Variants in OVCH2 observed in about 807,000 individuals in gnomAD.
OVCH2 encodes ovochymase 2.
A neutral mutation model predicts 73.7 loss-of-function variants in OVCH2; 88 were observed. The ratio of observed to expected loss-of-function variants is 1.19; its 90% CI spans 1.01 to 1.43. The LOEUF is 1.43. Ranked by LOEUF, OVCH2 falls within the 40% of genes most tolerant of loss-of-function variation. OVCH2 has a pLI of 0.00. For synonymous variants in OVCH2, 265 were observed against 234.5 expected, an observed-to-expected ratio of 1.13 and a Z score of -1.19; for missense variants, 706 against 674.5, an observed-to-expected ratio of 1.05 and a Z score of -0.52.
chr11:7,692,538 C>G (rs1232885126), intron 12 of OVCH2, among the ~76,000 whole-genome samples: 1 of 152,154 alleles, frequency 6.6e-6, no homozygotes, highest in African/African-American at 2.4e-5. Flanking sequence ...CTGCAAAATT[C>G]TGAGAAGGCA....
intron 12 of OVCH2, among the ~76,000 whole-genome samples, chr11:7,694,611 TG>T (rs928197860): frequency 4.4e-5 from 1 of 22,588 alleles, no homozygotes; most frequent in African/African-American, 1.4e-4. Context: ...ACAAAGTTTT[TG>T]TTTTGTTTTG....
At position 7,701,683 on chromosome 11, in the gene OVCH2, T is replaced by C. The variant is rs760902514; in HGVS notation, c.559+33A>G. ...GATTGCCCACCAGAAAGTTCTGACC[T>C]CTGCTTAAGAGGAATGGCACACAAG... On this transcript the variant is annotated intron_variant, in intron 5 of 15. Transcript: ENST00000533663. 5 of 1,589,536 alleles carry C rather than the reference T, an allele frequency of 3.1e-6. No individual in the cohort carries two copies. The East Asian group carries it at 1.1e-4, about 36-fold the overall frequency.
the OVCH2 span, among the ~76,000 whole-genome samples, chr11:7,678,952 A>AT: frequency 4.1e-4 from 62 of 152,242 alleles, no homozygotes; most frequent in Admixed American, 2.0e-3. Flanking sequence ...AAAGGCAAAC[A>AT]TTTTTTTTAA....
chr11:7,691,500 T>A, intron 13 of OVCH2, 100 bp from the exon 14 acceptor site: 1 of 1,405,356 alleles, frequency 7.1e-7, no homozygotes, highest in Non-Finnish European at 9.5e-7. Context: ...CAGGTAATTG[T>A]TGAGAAATAC....
At chr11:7,706,105 GT>G in intron 1 of OVCH2, 1 of 515,730 alleles carries the variant, frequency 1.9e-6, no homozygotes, top group Non-Finnish European at 3.4e-6. Flanking sequence ...GGATACATTA[GT>G]TGCATTCTAT....
intron 12 of OVCH2, 118 bp downstream of exon 12, chr11:7,694,940 T>A (rs1856298655): frequency 1.6e-6 from 2 of 1,221,300 alleles, no homozygotes; most frequent in Non-Finnish European, 2.3e-6. Context: ...AGGTGCTGGG[T>A]TCTAGGTACT....
downstream of OVCH2, among the ~76,000 whole-genome samples, chr11:7,684,912 C>CT (rs1231547434): frequency 6.6e-6 from 1 of 152,138 alleles, no homozygotes; most frequent in Non-Finnish European, 1.5e-5. Context: ...GTGTCTGTCT[C>CT]TTGCATTTGT....
In OVCH2 at chr11:7,698,748, A is replaced by G. The variant is rs1565169354; in HGVS notation, c.925+2T>C. The G allele has an allele frequency of 6.2e-7, 1 of 1,612,420 alleles. No individual in the cohort carries two copies. Among genetic ancestry groups the G allele is most frequent in the Admixed American group, 1.7e-5 (1 of 59,886 alleles). ...ATGGAGCAGCCTGCAAGGGATACCC[A>G]CCTCTGGAGCTCTTTCTCCGATTAC... On this transcript the variant is annotated splice_donor_variant, in intron 8 of 15. Coordinates refer to ENST00000533663, the MANE Select transcript of OVCH2 (RefSeq NM_198185.7). LOFTEE classifies it high-confidence loss of function.
At position 7,691,299 on chromosome 11, in the gene OVCH2, G is replaced by T; in HGVS notation, c.1609C>A (p.Gln537Lys). ...SDENGTCRGF[Q>K]ATVSFIPKAV... ...TTAGGAATGAAGGAGACTGTAGCCTGAAAGCCCCTGCAGGTCCCGTTTTCA... is the reference window on the plus strand; with the variant it reads ...TTAGGAATGAAGGAGACTGTAGCCTTAAAGCCCCTGCAGGTCCCGTTTTCA... Residue 537 changes from glutamine to lysine, a missense_variant, in exon 14 of 16, where the codon CAG becomes AAG. Physicochemically the swap from Gln to Lys is moderately conservative, Grantham distance 53. Transcript: ENST00000533663. 3 of 1,613,534 alleles carry T rather than the reference G, an allele frequency of 1.9e-6. No individual in the cohort carries two copies. Among genetic ancestry groups the T allele is most frequent in the Non-Finnish European group, 2.5e-6 (3 of 1,179,750 alleles).
intron 12 of OVCH2, among the ~76,000 whole-genome samples, chr11:7,692,755 C>G (rs1402413314): frequency 6.6e-6 from 1 of 152,170 alleles, no homozygotes; most frequent in African/African-American, 2.4e-5. Context: ...GATTATTAAG[C>G]TATGATGAGT....
chr11:7,702,307 C>A lies in OVCH2; in HGVS notation c.313G>T (p.Val105Phe). ...ANRNIVSTLNVTAGEYDLSQT... is the reference protein window; with the variant it reads ...ANRNIVSTLNFTAGEYDLSQT... ...CTTAAGTCATACTCTCCAGCAGTAACATTCAAAGTAGACACAATGTTTCTA... is the reference window on the plus strand; with the variant it reads ...CTTAAGTCATACTCTCCAGCAGTAAAATTCAAAGTAGACACAATGTTTCTA... Residue 105 changes from valine to phenylalanine, a missense_variant, in exon 4 of 16, where the codon GTT (valine) becomes TTT (phenylalanine). Physicochemically the swap from Val to Phe is conservative, Grantham distance 50. Coordinates refer to ENST00000533663, the MANE Select transcript of OVCH2 (RefSeq NM_198185.7). 6.3e-7 allele frequency: 1 copy of A among 1,596,636 alleles called. No homozygotes were observed. The highest frequency in any genetic ancestry group is 2.2e-5 in the East Asian group (1 of 44,632).
intron 12 of OVCH2, 94 bp downstream of exon 12, chr11:7,694,964 T>C: frequency 7.1e-7 from 1 of 1,403,934 alleles, no homozygotes. Context: ...AACACAGCAG[T>C]GAATAAATCA....
intron 12 of OVCH2, among the ~76,000 whole-genome samples, chr11:7,694,179 A>G (rs1856275925): frequency 6.6e-6 from 1 of 152,138 alleles, no homozygotes; most frequent in Non-Finnish European, 1.5e-5. Flanking sequence ...TAAAAGAAAG[A>G]TCTATGAGAA....
At chr11:7,684,506 ATGTG>A (rs55770590), downstream of OVCH2, among the ~76,000 whole-genome samples, 22,590 of 141,024 alleles carry the variant, frequency 0.16, 1,904 homozygotes, top group African/African-American at 0.21. Context: ...ATACATACAT[ATGTG>A]TGTGTGTGTG....
At chr11:7,694,632 G>GTTGTTT (rs375600804) in intron 12 of OVCH2, among the ~76,000 whole-genome samples, 29 of 114,758 alleles carry the variant, frequency 2.5e-4, no homozygotes, top group African/African-American at 8.1e-4. Flanking sequence ...GTTTTGTTTT[G>GTTGTTT]TGTTTTGAGA....
intron 14 of OVCH2, 175 bp downstream of exon 14, chr11:7,691,094 T>C (rs1856210583): frequency 1.3e-6 from 1 of 767,404 alleles, no homozygotes; most frequent in Admixed American, 2.9e-5. Context: ...CCTTGTACAT[T>C]TCCTAGGAGG....
intron 3 of OVCH2, 62 bp downstream of exon 3, chr11:7,703,636 G>T: frequency 7.6e-7 from 1 of 1,324,372 alleles, no homozygotes; most frequent in Non-Finnish European, 1.0e-6. Context: ...GGTTATTGCT[G>T]ATGATTCCAA....
At chr11:7,690,206 C>A (rs772191657) in intron 14 of OVCH2, among the ~76,000 whole-genome samples, 193 bp from the exon 15 acceptor site, 1 of 152,162 alleles carries the variant, frequency 6.6e-6, no homozygotes, top group African/African-American at 2.4e-5. Flanking sequence ...CTGCTTAATA[C>A]CTAAAAAGAA....
At chr11:7,691,169 G>T in intron 14 of OVCH2, 100 bp downstream of exon 14, 1 of 1,381,044 alleles carries the variant, frequency 7.2e-7, no homozygotes, top group Non-Finnish European at 1.0e-6. Flanking sequence ...ACTGCAGATA[G>T]TGAGAATCGA....
Sources: gnomAD v4.1 joint callset for allele counts (sites outside exome capture counted in the v4.1 genomes callset) on GRCh38, gnomAD v4.1.1 for gene constraint, MANE v1.5 for transcripts, NCBI Gene and HGNC (gene_info 2026-07-23, HGNC 2026-07-21) for gene names.